MAP4: variants seen among roughly 807,000 people sequenced by gnomAD.
MAP4 encodes microtubule-associated protein 4.
MAP4 carries 76 observed loss-of-function variants against 170.2 expected under a neutral mutation model. The observed-to-expected ratio is 0.45, with a 90% CI of 0.37 to 0.54. The LOEUF (loss-of-function observed/expected upper bound fraction) is 0.54, where lower values mean the gene tolerates loss of function less well. Ranked by LOEUF, MAP4 falls within the 20% of genes least tolerant of loss-of-function variation. The pLI is 0.00. For synonymous variants in MAP4, 909 were observed against 994.5 expected (o/e 0.91, Z 1.62); for missense variants, 2,506 against 2,748.0 (o/e 0.91, Z 1.97).
chr3:47,873,383 AAG>A (rs2094154437), intron 12 of MAP4, among the ~76,000 whole-genome samples: 4 of 152,330 alleles, frequency 2.6e-5, no homozygotes, highest in Admixed American at 2.6e-4. Context: ...CACATTACAA[AAG>A]AGAGTATGCC....
At chr3:48,077,514 T>A (rs1476974100) in intron 1 of MAP4, among the ~76,000 whole-genome samples, 2 of 151,814 alleles carry the variant, frequency 1.3e-5, no homozygotes, top group Non-Finnish European at 2.9e-5. Context: ...TTTTTTTTTT[T>A]TATAGAGACA....
At chr3:47,888,419 CCT>C in intron 10 of MAP4, among the ~76,000 whole-genome samples, 1 of 152,292 alleles carries the variant, frequency 6.6e-6, no homozygotes, top group Admixed American at 6.5e-5. Context: ...CAGCTTCACT[CCT>C]GAGCCCAGTG....
At chr3:48,058,940 C>A (rs1052075580) in intron 1 of MAP4, among the ~76,000 whole-genome samples, 10 of 151,944 alleles carry the variant, frequency 6.6e-5, no homozygotes, top group African/African-American at 2.4e-4. Context: ...CCACCACGCC[C>A]GGCTAATTTT....
intron 4 of MAP4, among the ~76,000 whole-genome samples, chr3:47,926,835 C>T (rs1036747814): frequency 6.6e-6 from 1 of 152,040 alleles, no homozygotes; most frequent in African/African-American, 2.4e-5. Context: ...TGAATCTGGC[C>T]GAACTATATA....
At chr3:47,951,908 C>A (rs1177077287) in intron 3 of MAP4, among the ~76,000 whole-genome samples, 1 of 151,492 alleles carries the variant, frequency 6.6e-6, no homozygotes, top group Non-Finnish European at 1.5e-5. Flanking sequence ...AAGTGAGGAG[C>A]GCCTCTTCCC....
At chr3:47,857,898 C>G (rs904144025) in intron 17 of MAP4, among the ~76,000 whole-genome samples, 3 of 151,974 alleles carry the variant, frequency 2.0e-5, no homozygotes, top group East Asian at 1.9e-4. Flanking sequence ...TTAGTAGAGA[C>G]AAGGTTTCAC....
chr3:47,860,310 A>G (rs1049355670), intron 17 of MAP4, among the ~76,000 whole-genome samples: 14 of 152,244 alleles, frequency 9.2e-5, no homozygotes, highest in Non-Finnish European at 1.6e-4. Flanking sequence ...CCCAGGCTCA[A>G]GCCCCTCAAG....
At chr3:48,061,819 G>C (rs865844753) in intron 1 of MAP4, among the ~76,000 whole-genome samples, 1 of 130,602 alleles carries the variant, frequency 7.7e-6, no homozygotes, top group Non-Finnish European at 1.7e-5. Context: ...CCGGCCAGCC[G>C]CCCCATCCGG....
chr3:47,867,254 C>T lies in MAP4; in HGVS notation c.6493G>A (p.Gly2165Ser). ...CCAGAGCTTATACTTACATTACCACCTCCAGGGACATGCTTAATATTGTCC... is the reference window on the plus strand; with the variant it reads ...CCAGAGCTTATACTTACATTACCACTTCCAGGGACATGCTTAATATTGTCC... ...SKDNIKHVPG[G>S]GNVQIQNKKV... Residue 2165 changes from glycine (G) to serine (S), a missense_variant, in exon 17 of 21, where the codon GGT (glycine) becomes AGT (serine). By Grantham distance (56) the Gly-to-Ser change is moderately conservative. Coordinates refer to ENST00000683076, the MANE Select transcript of MAP4 (RefSeq NM_001385682.1). 1 of 1,610,854 alleles carries T rather than the reference C, an allele frequency of 6.2e-7. No homozygotes were observed. The highest frequency in any genetic ancestry group is 8.5e-7 in the Non-Finnish European group (1 of 1,177,132).
At chr3:47,928,185 G>A in intron 4 of MAP4, 43 bp downstream of exon 4, 1 of 1,608,416 alleles carries the variant, frequency 6.2e-7, no homozygotes, top group Non-Finnish European at 8.5e-7. Context: ...TCACATTTAT[G>A]TCATAGCACA....
chr3:47,897,503 C>G (rs1301455274), intron 10 of MAP4, among the ~76,000 whole-genome samples: 1 of 151,990 alleles, frequency 6.6e-6, no homozygotes, highest in Non-Finnish European at 1.5e-5. Flanking sequence ...TGTGATCACT[C>G]CAAAACTCCC....
intron 19 of MAP4, among the ~76,000 whole-genome samples, chr3:47,854,799 C>G (rs2051823281): frequency 6.8e-6 from 1 of 147,922 alleles, no homozygotes; most frequent in South Asian, 2.1e-4. Flanking sequence ...CCCCAGGCAG[C>G]CTGCTGTCGC....
chr3:47,973,218 T>C, intron 3 of MAP4: 1 of 981,800 alleles, frequency 1.0e-6, no homozygotes, highest in Non-Finnish European at 1.2e-6. Context: ...ATAAAAACAT[T>C]ATTTAAAAAC....
intron 1 of MAP4, among the ~76,000 whole-genome samples, chr3:48,079,987 CTT>C (rs895112300): frequency 5.3e-5 from 8 of 151,796 alleles, no homozygotes; most frequent in Non-Finnish European, 1.0e-4. Context: ...TTTGTTGTAA[CTT>C]TGTCTTCTGA....
At chr3:47,874,311 T>C (rs950563683) in intron 12 of MAP4, among the ~76,000 whole-genome samples, 2 of 151,830 alleles carry the variant, frequency 1.3e-5, no homozygotes, top group East Asian at 1.9e-4. Context: ...CTACTAAAAA[T>C]ACAAAAAATT....
At chr3:47,858,040 T>A (rs77916108) in intron 17 of MAP4, among the ~76,000 whole-genome samples, 2 of 145,200 alleles carry the variant, frequency 1.4e-5, no homozygotes, top group Admixed American at 7.0e-5. Flanking sequence ...TTTTTTTTTT[T>A]AAGACAGAGT....
chr3:48,062,323 A>T (rs1427081297), intron 1 of MAP4, among the ~76,000 whole-genome samples: 1 of 151,638 alleles, frequency 6.6e-6, no homozygotes, highest in East Asian at 1.9e-4. Flanking sequence ...AGTCATCACC[A>T]CTCCCTAATC....
At chr3:47,907,592 A>C (rs944329405) in intron 9 of MAP4, among the ~76,000 whole-genome samples, 1 of 152,196 alleles carries the variant, frequency 6.6e-6, no homozygotes, top group Admixed American at 6.5e-5. Context: ...GGGCCCCAAA[A>C]GTTCTGCAGT....
intron 15 of MAP4, among the ~76,000 whole-genome samples, chr3:47,869,631 G>A (rs78691034): frequency 0.025 from 3,800 of 152,188 alleles, 80 homozygotes; most frequent in Non-Finnish European, 0.036. Context: ...GTGATTCTGA[G>A]AGTGTGCTGG....
Sources: gnomAD v4.1 joint callset for allele counts (sites outside exome capture counted in the v4.1 genomes callset) on GRCh38, gnomAD v4.1.1 for gene constraint, MANE v1.5 for transcripts, NCBI Gene and HGNC (gene_info 2026-07-23, HGNC 2026-07-21) for gene names.